Variants in DIAPH2 observed in about 807,000 individuals in gnomAD.
The protein encoded by DIAPH2 is diaphanous related formin 2, also known as protein diaphanous homolog 2.
A neutral mutation model predicts 92.7 loss-of-function variants in DIAPH2; 35 were observed. The ratio of observed to expected loss-of-function variants is 0.38; its 90% CI spans 0.29 to 0.50. The LOEUF (loss-of-function observed/expected upper bound fraction) is 0.50, where lower values mean the gene tolerates loss of function less well. DIAPH2 is among the 20% of genes least tolerant of loss of function. The pLI is 0.94. For synonymous variants in DIAPH2, 301 were observed against 280.4 expected (o/e 1.07, Z -0.73); for missense variants, 701 against 819.5 (o/e 0.86, Z 1.77).
intron 5 of DIAPH2, 117 bp downstream of exon 5, chrX:96,881,835 G>A: frequency 7.5e-6 from 6 of 796,336 alleles, no homozygotes; most frequent in Non-Finnish European, 1.1e-5. Flanking sequence ...AAAATCTGAT[G>A]TTAATAAAAC....
chrX:97,163,362 G>A (rs1188264917), intron 22 of DIAPH2, among the ~76,000 whole-genome samples: 1 of 110,376 alleles, frequency 9.1e-6, no homozygotes, highest in Non-Finnish European at 1.9e-5. Flanking sequence ...GCTGATTTTT[G>A]TATTTTTTTC....
intron 26 of DIAPH2, among the ~76,000 whole-genome samples, chrX:97,460,491 G>A (rs2070449687): frequency 8.9e-6 from 1 of 111,918 alleles, no homozygotes; most frequent in Non-Finnish European, 1.9e-5. Context: ...GAGTTGTCTC[G>A]CCACAAAGAT....
chrX:97,472,106 A>G (rs2070568935), intron 26 of DIAPH2, among the ~76,000 whole-genome samples: 1 of 112,374 alleles, frequency 8.9e-6, no homozygotes, highest in Non-Finnish European at 1.9e-5. Context: ...GTCTGATAAC[A>G]CTACTACATT....
chrX:97,280,793 G>T (rs958047931), intron 23 of DIAPH2, among the ~76,000 whole-genome samples: 5 of 111,346 alleles, frequency 4.5e-5, no homozygotes, highest in Non-Finnish European at 7.5e-5. Flanking sequence ...AACAAACAAG[G>T]TATTTGGAAG....
At chrX:97,424,319 T>C (rs2070039424) in intron 25 of DIAPH2, among the ~76,000 whole-genome samples, 1 of 111,267 alleles carries the variant, frequency 9.0e-6, no homozygotes, top group Non-Finnish European at 1.9e-5. Context: ...GAAGGGACAA[T>C]ATTACCCCAA....
chrX:96,709,613 ATAAAT>A (rs1384559914), intron 1 of DIAPH2, among the ~76,000 whole-genome samples: 1 of 112,111 alleles, frequency 8.9e-6, no homozygotes, highest in African/African-American at 3.2e-5. Context: ...TTTTGATGTC[ATAAAT>A]TAAAATGTTG....
intron 17 of DIAPH2, among the ~76,000 whole-genome samples, chrX:97,036,248 T>C (rs1367717296): frequency 8.9e-6 from 1 of 112,006 alleles, no homozygotes; most frequent in African/African-American, 3.2e-5. Context: ...TATGTGGCTA[T>C]ATTTATGTAA....
intron 26 of DIAPH2, among the ~76,000 whole-genome samples, chrX:97,575,461 T>C (rs181249427): frequency 8.9e-6 from 1 of 112,537 alleles, no homozygotes; most frequent in East Asian, 2.8e-4. Flanking sequence ...GACTTCATTT[T>C]AACTTGGTTA....
intron 22 of DIAPH2, among the ~76,000 whole-genome samples, chrX:97,147,426 T>C (rs763442340): frequency 9.0e-6 from 1 of 110,702 alleles, no homozygotes; most frequent in Admixed American, 9.7e-5. Context: ...CTAATAGATA[T>C]ATATTGTATA....
At chrX:97,382,739 G>T (rs1264631169) in intron 24 of DIAPH2, among the ~76,000 whole-genome samples, 5 of 111,756 alleles carry the variant, frequency 4.5e-5, no homozygotes, top group African/African-American at 1.6e-4. Flanking sequence ...TTTAGATTTT[G>T]TAGGAAGAAA....
intron 20 of DIAPH2, among the ~76,000 whole-genome samples, chrX:97,111,121 C>T (rs2066977682): frequency 8.9e-6 from 1 of 112,296 alleles, no homozygotes; most frequent in Non-Finnish European, 1.9e-5. Context: ...GCTTTTTACT[C>T]TACCTTCCCA....
chrX:97,195,868 G>C (rs941447318), intron 22 of DIAPH2, among the ~76,000 whole-genome samples: 2 of 109,278 alleles, frequency 1.8e-5, no homozygotes, highest in Non-Finnish European at 3.8e-5. Flanking sequence ...TAGTAAACGT[G>C]ATTGTTCATA....
At chrX:97,432,160 C>T (rs2070133424) in intron 26 of DIAPH2, among the ~76,000 whole-genome samples, 1 of 112,176 alleles carries the variant, frequency 8.9e-6, no homozygotes, top group African/African-American at 3.2e-5. Flanking sequence ...TCAGAGTCAA[C>T]CACAATCAGC....
intron 4 of DIAPH2, among the ~76,000 whole-genome samples, chrX:96,765,020 G>A (rs1173951616): frequency 9.0e-6 from 1 of 110,519 alleles, no homozygotes; most frequent in African/African-American, 3.3e-5. Flanking sequence ...GATTGCTGTA[G>A]CCTACCAAGC....
intron 4 of DIAPH2, among the ~76,000 whole-genome samples, chrX:96,809,826 G>A (rs1048301417): frequency 1.8e-5 from 2 of 111,622 alleles, no homozygotes; most frequent in African/African-American, 3.3e-5. Flanking sequence ...CTTCATCCAT[G>A]TCCCTGCAAA....
chrX:96,928,637 CATG>C (rs1353797407), intron 9 of DIAPH2, among the ~76,000 whole-genome samples: 3 of 110,662 alleles, frequency 2.7e-5, no homozygotes, highest in African/African-American at 6.5e-5. Context: ...TGGAAAATGA[CATG>C]ATAGCATGTT....
chrX:96,859,649 ATTTATTTT>A (rs1190700720), intron 4 of DIAPH2, among the ~76,000 whole-genome samples: 3 of 103,601 alleles, frequency 2.9e-5, no homozygotes, highest in African/African-American at 1.1e-4. Flanking sequence ...TTATTTATTT[ATTTATTTT>A]TTGAGAGGGA....
chrX:97,172,928 G>A (rs2067464961), intron 22 of DIAPH2, among the ~76,000 whole-genome samples: 1 of 111,866 alleles, frequency 8.9e-6, no homozygotes, highest in Non-Finnish European at 1.9e-5. Flanking sequence ...TGATATTCAC[G>A]TCATGTAGGT....
chrX:97,069,284 A>T (rs1055588467), intron 17 of DIAPH2, among the ~76,000 whole-genome samples: 2 of 111,157 alleles, frequency 1.8e-5, no homozygotes, highest in Non-Finnish European at 3.8e-5. Flanking sequence ...ACATCCTTTT[A>T]ATTCTCCTCA....
Sources: gnomAD v4.1 joint callset for allele counts (sites outside exome capture counted in the v4.1 genomes callset) on GRCh38, gnomAD v4.1.1 for gene constraint, MANE v1.5 for transcripts, NCBI Gene and HGNC (gene_info 2026-07-23, HGNC 2026-07-21) for gene names.